The following GPAA1 variants were observed in gnomAD, a reference collection of about 807,000 sequenced individuals.
The protein encoded by GPAA1 is GPI-anchor transamidase component GPAA1.
In GPAA1, 54 loss-of-function variants were observed where a neutral mutation model predicts 64.0. The observed-to-expected ratio is 0.84, with a 90% CI of 0.68 to 1.06. The LOEUF (loss-of-function observed/expected upper bound fraction) is 1.06, where lower values mean the gene tolerates loss of function less well. GPAA1 is among the 50% of genes least tolerant of loss of function. The pLI is 0.00. For synonymous variants in GPAA1, 393 were observed against 377.3 expected, an observed-to-expected ratio of 1.04 and a Z score of -0.48; for missense variants, 780 against 822.3, an observed-to-expected ratio of 0.95 and a Z score of 0.63.
rs1554763970 is a variant in GPAA1 at position 144,084,124 on chromosome 8, G to C, written c.617-10G>C. 1.2e-6 allele frequency: 2 copies of C among 1,613,366 alleles called. No individual in the cohort carries two copies. The highest frequency in any genetic ancestry group is 1.1e-5 in the South Asian group (1 of 91,076). ...GTCCTCCATTAGCACTCATTCACTT[G>C]CTCCTACAGGCATGCAGTCGTCTCC... On this transcript the variant is annotated splice_polypyrimidine_tract_variant and intron_variant, in intron 5 of 11. Coordinates refer to ENST00000355091, the MANE Select transcript of GPAA1 (RefSeq NM_003801.4).
At position 144,085,387 on chromosome 8, in the gene GPAA1, C is replaced by T. The variant is rs1835980161; in HGVS notation, c.1359C>T (p.Thr453=). ...CAGTGCTGGGCCAACACGTTGCCAC[C>T]CAGCACTTCCCAGTGGCAGAGGCTG... ...VLPVLGQHVA[T]QHFPVAEAEA... The change falls in exon 10 of 12, where the codon ACC becomes ACT. Residue 453 remains threonine (T), a synonymous_variant. Coordinates refer to ENST00000355091, the MANE Select transcript of GPAA1 (RefSeq NM_003801.4). The T allele has an allele frequency of 6.2e-7, 1 of 1,607,766 alleles. No individual in the cohort carries two copies. The highest frequency in any genetic ancestry group is 8.5e-7 in the Non-Finnish European group (1 of 1,179,862).
At chr8:144,085,826 A>G in intron 11 of GPAA1, 56 bp from the exon 12 acceptor site, 1 of 1,598,742 alleles carries the variant, frequency 6.3e-7, no homozygotes, top group Non-Finnish European at 8.5e-7. Flanking sequence ...CTTTCCCCCA[A>G]CCTGGTGCCC....
Position 144,083,933 on chromosome 8 carries a change from C to A in GPAA1, c.515-6C>A. 1 of 1,613,502 alleles carries A rather than the reference C, an allele frequency of 6.2e-7. No homozygotes were observed. Among genetic ancestry groups the A allele is most frequent in the Non-Finnish European group, 8.5e-7 (1 of 1,179,626 alleles). ...AGACCCTGCTGATCCTGCTTCTGGC[C>A]TCCAGGGCAGATTTATTGGGCCAAA... On this transcript the variant is annotated splice_polypyrimidine_tract_variant and splice_region_variant and intron_variant, in intron 4 of 11. Transcript: ENST00000355091.
Position 144,084,125 on chromosome 8 carries a change from C to T in GPAA1, c.617-9C>T. The T allele has an allele frequency of 6.2e-7, 1 of 1,613,336 alleles. No individual in the cohort carries two copies. The highest frequency in any genetic ancestry group is 8.5e-7 in the Non-Finnish European group (1 of 1,179,662). On this transcript the variant is annotated splice_polypyrimidine_tract_variant and intron_variant, in intron 5 of 11. Transcript: ENST00000355091. Reference sequence around the variant, plus strand: ...TCCTCCATTAGCACTCATTCACTTGCTCCTACAGGCATGCAGTCGTCTCCC... The same window carrying T: ...TCCTCCATTAGCACTCATTCACTTGTTCCTACAGGCATGCAGTCGTCTCCC...
In GPAA1 at chr8:144,085,737, G is replaced by A. The variant is rs782574810; in HGVS notation, c.1616G>A (p.Gly539Glu). 1.1e-5 allele frequency: 18 copies of A among 1,612,296 alleles called. No individual in the cohort carries two copies. In the South Asian group the frequency reaches 1.9e-4, roughly 17 times the overall value. ...ACTGCTGCGCTTGCCAAGCCTCATG[G>A]GCCCCGGTATGTATGGATCAGCCCC... ...VPTAALAKPH[G>E]PRTLYAALLV... is the part of the protein sequence containing the mutation. Residue 539 changes from glycine to glutamate, a missense_variant, in exon 11 of 12, where the codon GGG (glycine) becomes GAG (glutamate). Gly to Glu is a moderately conservative substitution (Grantham distance 98). Transcript: ENST00000355091.
In GPAA1 at chr8:144,084,791, C is replaced by T. The variant is rs1554764108; in HGVS notation, c.1080C>T (p.Tyr360=). The change falls in exon 8 of 12, where the codon TAC becomes TAT. Residue 360 remains tyrosine (Y), a synonymous_variant. Transcript: ENST00000355091. ...LERLHQSFFL[Y]LLPGLSRFVS... The stretch of plus-strand genomic sequence containing the variant: ...GCCTGCACCAGTCCTTCTTCCTCTA[C>T]TTGCTCCCCGGCCTCTCCCGCTTCG... 1 of 1,613,712 alleles carries T rather than the reference C, an allele frequency of 6.2e-7. No homozygotes were observed. Among genetic ancestry groups the T allele is most frequent in the East Asian group, 2.2e-5 (1 of 44,902 alleles).
chr8:144,084,644 G>A (rs1278343264), intron 7 of GPAA1, 35 bp downstream of exon 7: 1 of 1,606,586 alleles, frequency 6.2e-7, no homozygotes, highest in African/African-American at 1.3e-5. Context: ...TCCATGCCCA[G>A]GATGGGGTCT....
Position 144,086,073 on chromosome 8 carries a change from T to C in GPAA1, c.1814T>C (p.Leu605Pro). ...GCCCTGCTCTTCCCACTGCTGTCCC[T>C]GGGCCTCTACCCCTGCTGGCTGCTT... ...YGALLFPLLSLGLYPCWLLFW... is the reference protein window; with the variant it reads ...YGALLFPLLSPGLYPCWLLFW... The change falls in exon 12 of 12, where the codon CTG becomes CCG. Residue 605 changes from leucine to proline, a missense_variant. By Grantham distance (98) the Leu-to-Pro change is moderately conservative (BLOSUM62 -3). Transcript: ENST00000355091. 6.2e-7 allele frequency: 1 copy of C among 1,613,616 alleles called. No homozygotes were observed. The highest frequency in any genetic ancestry group is 1.7e-5 in the Admixed American group (1 of 60,024).
chr8:144,083,490 A>C lies in GPAA1; in HGVS notation c.356A>C (p.His119Pro), dbSNP rs1413330677. The part of the protein sequence containing the change: ...SRKLPFPDET[H>P]ERYMVSGTNV... ...AAACTGCCCTTCCCAGATGAGACCC[A>C]CGAGCGCTATGTACTGGGGGAGTGG... Residue 119 changes from histidine (H) to proline (P), a missense_variant, in exon 3 of 12, where the codon CAC becomes CCC. Transcript: ENST00000355091. The C allele has an allele frequency of 2.5e-6, 4 of 1,611,622 alleles. No individual in the cohort carries two copies. In the Admixed American group the frequency reaches 6.7e-5, roughly 27 times the overall value.
intron 1 of GPAA1, 75 bp from the exon 2 acceptor site, chr8:144,083,049 G>C: frequency 7.3e-7 from 1 of 1,362,828 alleles, no homozygotes; most frequent in Non-Finnish European, 1.0e-6. Flanking sequence ...TCGACCCCGG[G>C]TGCGGAGGTT....
Position 144,084,305 on chromosome 8 carries a change from G to T in GPAA1, c.788G>T (p.Gly263Val), listed in dbSNP as rs1554764017. 1.2e-6 allele frequency: 2 copies of T among 1,613,836 alleles called. No individual in the cohort carries two copies. Among genetic ancestry groups the T allele is most frequent in the Non-Finnish European group, 1.7e-6 (2 of 1,180,030 alleles). ...TTCCAGACCTTCTGCCAGAAAGGGGGCCTGTTGTGCACGCTTCAGGGCAAG... is the reference window on the plus strand; with the variant it reads ...TTCCAGACCTTCTGCCAGAAAGGGGTCCTGTTGTGCACGCTTCAGGGCAAG... ...NLFQTFCQKGGLLCTLQGKLQ... is the reference protein window; with the variant it reads ...NLFQTFCQKGVLLCTLQGKLQ... Residue 263 changes from glycine (G) to valine (V), a missense_variant, in exon 6 of 12, where the codon GGC (glycine) becomes GTC (valine). By Grantham distance (109) the Gly-to-Val change is moderately radical. Transcript: ENST00000355091.
At position 144,085,939 on chromosome 8, in the gene GPAA1, C is replaced by G. The variant is rs782183722; in HGVS notation, c.1680C>G (p.Ser560Arg). 1.9e-6 allele frequency: 3 copies of G among 1,610,294 alleles called. No individual in the cohort carries two copies. Among genetic ancestry groups the G allele is most frequent in the South Asian group, 2.2e-5 (2 of 91,072 alleles). The change falls in exon 12 of 12, where the codon AGC (serine) becomes AGG (arginine). Residue 560 changes from serine to arginine, a missense_variant. By Grantham distance (110) the Ser-to-Arg change is moderately radical. Transcript: ENST00000355091. The stretch of plus-strand genomic sequence containing the variant: ...GCCCGGCAGCCACGCTCCTTGGCAG[C>G]CTGTTCCTGTGGCGGGAGCTGCAGG... ...LTSPAATLLGSLFLWRELQEA... is the reference protein window; with the variant it reads ...LTSPAATLLGRLFLWRELQEA...
At position 144,085,680 on chromosome 8, in the gene GPAA1, T is replaced by G; in HGVS notation, c.1559T>G (p.Leu520Arg). 3.1e-6 allele frequency: 5 copies of G among 1,613,744 alleles called. No individual in the cohort carries two copies. Among genetic ancestry groups the G allele is most frequent in the Non-Finnish European group, 4.2e-6 (5 of 1,179,974 alleles). Residue 520 changes from leucine to arginine, a missense_variant, in exon 11 of 12, where the codon CTG becomes CGG. Physicochemically the swap from Leu to Arg is moderately radical, Grantham distance 102. Transcript: ENST00000355091. ...TGCATCGCCCTCACCAACTTCTCAC[T>G]GGGCTTCCTGCTGGCCACCACCATG... The part of the protein sequence containing the change: ...LGCIALTNFS[L>R]GFLLATTMVP...
Position 144,085,068 on chromosome 8 carries a change from A to G in GPAA1, c.1190A>G (p.His397Arg). Residue 397 changes from histidine to arginine, a missense_variant, in exon 9 of 12, where the codon CAT (histidine) becomes CGT (arginine). Transcript: ENST00000355091. ...GCTCTGGAACTGTGGATGCAGCTGC[A>G]TGAGGCTGGAATGGGCCTTGAGGAG... ...LKALELWMQLHEAGMGLEEPG... is the reference protein window; with the variant it reads ...LKALELWMQLREAGMGLEEPG... The G allele has an allele frequency of 1.9e-6, 3 of 1,610,854 alleles. No homozygotes were observed. The highest frequency in any genetic ancestry group is 2.5e-6 in the Non-Finnish European group (3 of 1,178,570).
rs782568002 is a variant in GPAA1, at chr8:144,084,838, C to G, written c.1127C>G (p.Pro376Arg). ...TTCGTCTCCATCGGCCTCTACATGC[C>G]CGCTGTCGGCTTCTTGCTCCTGGTC... ...SRFVSIGLYMPAVGFLLLVLG... is the reference protein window; with the variant it reads ...SRFVSIGLYMRAVGFLLLVLG... Residue 376 changes from proline to arginine, a missense_variant, in exon 8 of 12, where the codon CCC becomes CGC. By Grantham distance (103) the Pro-to-Arg change is moderately radical. Transcript: ENST00000355091. 5.6e-6 allele frequency: 9 copies of G among 1,613,564 alleles called. No homozygotes were observed. The Admixed American group carries it at 1.5e-4, about 27-fold the overall frequency.
At chr8:144,084,386 G>A (rs1160943773) in intron 6 of GPAA1, 27 bp from the exon 7 acceptor site, 1 of 1,610,588 alleles carries the variant, frequency 6.2e-7, no homozygotes. Flanking sequence ...GGGAGGGGCT[G>A]TCTCATCCTG....
In GPAA1 at chr8:144,084,312, G is replaced by A. The variant is rs911001673; in HGVS notation, c.795G>A (p.Leu265=). The A allele has an allele frequency of 1.2e-6, 2 of 1,613,742 alleles. No homozygotes were observed. Among genetic ancestry groups the A allele is most frequent in the East Asian group, 2.2e-5 (1 of 44,884 alleles). Residue 265 remains leucine, a synonymous_variant, in exon 6 of 12, where the codon TTG becomes TTA. Transcript: ENST00000355091. Reference sequence around the variant, plus strand: ...CCTTCTGCCAGAAAGGGGGCCTGTTGTGCACGCTTCAGGGCAAGGTGGGGC... The same window carrying A: ...CCTTCTGCCAGAAAGGGGGCCTGTTATGCACGCTTCAGGGCAAGGTGGGGC... ...FQTFCQKGGL[L]CTLQGKLQPE...
In GPAA1 at chr8:144,082,664, G is replaced by T. The variant is rs887780450; in HGVS notation, c.-67G>T. 5 of 1,154,592 alleles carry T rather than the reference G, an allele frequency of 4.3e-6. No individual in the cohort carries two copies. Among genetic ancestry groups the T allele is most frequent in the East Asian group, 3.6e-5 (1 of 27,978 alleles). The allele number at this position is 1,154,592 out of a possible 1,614,324, so 71.5% of individuals were successfully genotyped here. A position where few individuals can be genotyped will look rare whatever the true frequency, so the allele number is the denominator to read the frequency against. On this transcript the variant is annotated 5_prime_UTR_variant, in exon 1 of 12. Coordinates refer to ENST00000355091, the MANE Select transcript of GPAA1 (RefSeq NM_003801.4). ...CGGGTCCCCGGGTCTGACAGGAGCA[G>T]CCTGTGGGCACCGCGGCGGTAGTTG...
In GPAA1 at chr8:144,084,446, C is replaced by T; in HGVS notation, c.847C>T (p.Pro283Ser). ...CGAGGACTGGACATCATTGGATGGACCGCTGCAGGGCCTGCAGACACTGCT... is the reference window on the plus strand; with the variant it reads ...CGAGGACTGGACATCATTGGATGGATCGCTGCAGGGCCTGCAGACACTGCT... Reference protein sequence around the residue: ...QPEDWTSLDGPLQGLQTLLLM... With the variant: ...QPEDWTSLDGSLQGLQTLLLM... Residue 283 changes from proline to serine, a missense_variant, in exon 7 of 12, where the codon CCG becomes TCG. Coordinates refer to ENST00000355091, the MANE Select transcript of GPAA1 (RefSeq NM_003801.4). 1.2e-6 allele frequency: 2 copies of T among 1,612,786 alleles called. No individual in the cohort carries two copies. The highest frequency in any genetic ancestry group is 8.5e-7 in the Non-Finnish European group (1 of 1,179,892).
Sources: gnomAD v4.1 joint callset for allele counts on GRCh38, gnomAD v4.1.1 for gene constraint, MANE v1.5 for transcripts, NCBI Gene and HGNC (gene_info 2026-07-23, HGNC 2026-07-21) for gene names.